Variants in NEO1 observed in about 807,000 individuals in gnomAD.
The protein encoded by NEO1 is neogenin.
In NEO1, 63 loss-of-function variants were observed where a neutral mutation model predicts 159.7. The observed-to-expected ratio is 0.39, with a 90% CI of 0.32 to 0.49. The LOEUF (loss-of-function observed/expected upper bound fraction) is 0.49. Ranked by LOEUF, NEO1 falls within the 20% of genes least tolerant of loss-of-function variation. The pLI is 0.85. For synonymous variants in NEO1, 633 were observed against 662.0 expected (o/e 0.96, Z 0.67); for missense variants, 1,615 against 1,831.0 (o/e 0.88, Z 2.15).
chr15:73,289,068 C>A, intron 24 of NEO1, 78 bp from the exon 25 acceptor site: 1 of 1,077,908 alleles, frequency 9.3e-7, no homozygotes, highest in Non-Finnish European at 1.4e-6. Flanking sequence ...GAATCCCCTA[C>A]TAGAAATGTT....
At chr15:73,075,208 A>T (rs2068712272) in intron 1 of NEO1, among the ~76,000 whole-genome samples, 1 of 152,196 alleles carries the variant, frequency 6.6e-6, no homozygotes, top group Admixed American at 6.5e-5. Context: ...GTTAAATAGA[A>T]CGTCCAGCAG....
chr15:73,251,513 C>CA (rs35979398), intron 11 of NEO1, among the ~76,000 whole-genome samples: 6,352 of 94,228 alleles, frequency 0.067, 225 homozygotes, highest in Non-Finnish European at 0.079. Context: ...GAAGCTGTCT[C>CA]AAAAAAAAAA....
At position 73,298,375 on chromosome 15, in the gene NEO1, A is replaced by G; in HGVS notation, c.3929A>G (p.Asp1310Gly). The change falls in exon 27 of 29, where the codon GAC (aspartate) becomes GGC (glycine). Residue 1310 changes from aspartate to glycine, a missense_variant. Physicochemically the swap from Asp to Gly is moderately conservative, Grantham distance 94 (BLOSUM62 -1). This residue lies in a region of NEO1 where 471 missense variants were observed against 498.9 expected (regional missense o/e 0.94). Transcript: ENST00000261908. ...TCCGTTCGAAATACCCCCAGCACTG[A>G]CACCATGCCAGCCTCTTCGTCTCAA... ...TESVRNTPST[D>G]TMPASSSQTC... 6.2e-7 allele frequency: 1 copy of G among 1,614,214 alleles called. No homozygotes were observed. Among genetic ancestry groups the G allele is most frequent in the Non-Finnish European group, 8.5e-7 (1 of 1,180,032 alleles).
chr15:73,207,863 GA>G (rs2037324503), intron 7 of NEO1, among the ~76,000 whole-genome samples: 1 of 152,068 alleles, frequency 6.6e-6, no homozygotes, highest in Non-Finnish European at 1.5e-5. Flanking sequence ...AAAGGATCTT[GA>G]GCATATTTGT....
intron 13 of NEO1, among the ~76,000 whole-genome samples, chr15:73,257,672 T>C (rs1435152788): frequency 1.3e-5 from 2 of 152,214 alleles, no homozygotes; most frequent in Non-Finnish European, 2.9e-5. Flanking sequence ...ACCTTAGTTG[T>C]AGTCTATAAA....
chr15:73,253,287 C>T lies in NEO1; in HGVS notation c.1895-113C>T, dbSNP rs557828450. 1.9e-4 allele frequency: 102 copies of T among 542,358 alleles called. No homozygotes were observed. In the South Asian group the frequency reaches 2.7e-3, roughly 15 times the overall value. 33.6% of individuals were successfully genotyped at this position (542,358 alleles called of 1,614,324 possible). On this transcript the variant is annotated intron_variant, in intron 11 of 28. Coordinates refer to ENST00000261908, the MANE Select transcript of NEO1 (RefSeq NM_002499.4). ...TTGGCAGCTAGTTTAGATCTGGTCA[C>T]GTAATCAGTGTTTGAGATGTGCATT...
rs779342001 is a variant in NEO1 at position 73,298,599 on chromosome 15, C to T, written c.4153C>T (p.Leu1385=). The part of the protein sequence containing the change: ...YDPALPSTPL[L]SQQALNHHIH... ...TCCTGCATTGCCAAGCACACCATTACTGTCCCAGCAAGGTGAGTGAGGATG... is the reference window on the plus strand; with the variant it reads ...TCCTGCATTGCCAAGCACACCATTATTGTCCCAGCAAGGTGAGTGAGGATG... The change falls in exon 27 of 29, where the codon CTG becomes TTG. Residue 1385 remains leucine (L), a synonymous_variant. Coordinates refer to ENST00000261908, the MANE Select transcript of NEO1 (RefSeq NM_002499.4). 13 of 1,614,074 alleles carry T rather than the reference C, an allele frequency of 8.1e-6. No homozygotes were observed. In the Admixed American group the frequency reaches 2.0e-4, roughly 25 times the overall value.
chr15:73,098,104 C>T (rs1010765877), intron 1 of NEO1, among the ~76,000 whole-genome samples: 2 of 151,658 alleles, frequency 1.3e-5, no homozygotes, highest in Non-Finnish European at 2.9e-5. Context: ...CACACACACC[C>T]TCAGAATAAC....
intron 2 of NEO1, among the ~76,000 whole-genome samples, chr15:73,119,061 A>G (rs766046273): frequency 2.6e-5 from 4 of 152,230 alleles, no homozygotes; most frequent in Admixed American, 6.5e-5. Flanking sequence ...AATGTTAACC[A>G]TAGTGTTACC....
intron 23 of NEO1, among the ~76,000 whole-genome samples, chr15:73,285,181 A>G (rs1180760667): frequency 1.3e-5 from 2 of 152,086 alleles, no homozygotes; most frequent in South Asian, 4.1e-4. Flanking sequence ...GTGCAGTGGA[A>G]CAATCTCATC....
intron 1 of NEO1, among the ~76,000 whole-genome samples, chr15:73,098,804 A>G (rs1329119433): frequency 6.6e-6 from 1 of 152,188 alleles, no homozygotes; most frequent in African/African-American, 2.4e-5. Context: ...GGGTAAATGC[A>G]TATATAATTG....
At chr15:73,262,272 C>A (rs748927133) in intron 15 of NEO1, among the ~76,000 whole-genome samples, 8 of 152,082 alleles carry the variant, frequency 5.3e-5, no homozygotes, top group Non-Finnish European at 1.0e-4. Flanking sequence ...TGGATTTCAT[C>A]AAAATTTTAA....
chr15:73,252,846 C>T (rs151062990), intron 11 of NEO1, among the ~76,000 whole-genome samples: 24 of 152,084 alleles, frequency 1.6e-4, no homozygotes, highest in African/African-American at 5.5e-4. Context: ...AAAAATTAGC[C>T]GGGCGTGGTA....
Position 73,223,919 on chromosome 15 carries a change from G to A in NEO1, c.1292-12428G>A, listed in dbSNP as rs543177593. On this transcript the variant is annotated intron_variant, in intron 7 of 28. Coordinates refer to ENST00000261908, the MANE Select transcript of NEO1 (RefSeq NM_002499.4). ...CTTGTGTGATTTATGCTTTAAAGAC[G>A]TTCTGCTTTGATGTGTTTCCAGGAT... Among the ~76,000 whole-genome samples, 130 of 152,252 alleles carry A rather than the reference G, an allele frequency of 8.5e-4. 3 individuals are homozygous for A. The highest frequency in any genetic ancestry group is 4.6e-4 in the Admixed American group (7 of 15,296).
At chr15:73,115,765 T>C (rs2071273912) in intron 1 of NEO1, among the ~76,000 whole-genome samples, 1 of 152,198 alleles carries the variant, frequency 6.6e-6, no homozygotes, top group African/African-American at 2.4e-5. Context: ...CAAATATTTT[T>C]CTTTAAATTT....
At chr15:73,116,957 A>C (rs568940136) in intron 2 of NEO1, 100 bp downstream of exon 2, 233 of 910,938 alleles carry the variant, frequency 2.6e-4, no homozygotes, top group Middle Eastern at 6.5e-4. Flanking sequence ...AATTAGTAGC[A>C]ACAAATATAC....
chr15:73,109,783 G>A (rs2070876156), intron 1 of NEO1, among the ~76,000 whole-genome samples: 1 of 152,062 alleles, frequency 6.6e-6, no homozygotes, highest in African/African-American at 2.4e-5. Flanking sequence ...AAGCATATAT[G>A]TTTATCAGAC....
intron 7 of NEO1, among the ~76,000 whole-genome samples, chr15:73,198,607 G>T (rs1372235854): frequency 1.3e-5 from 2 of 151,572 alleles, no homozygotes; most frequent in African/African-American, 4.8e-5. Flanking sequence ...TTAAAGACTT[G>T]TATCTGTTTA....
chr15:73,066,676 G>C (rs1259293903), intron 1 of NEO1, among the ~76,000 whole-genome samples: 1 of 152,118 alleles, frequency 6.6e-6, no homozygotes, highest in Non-Finnish European at 1.5e-5. Flanking sequence ...AAATAGTTTA[G>C]GTATACCTTT....
Sources: gnomAD v4.1 joint callset for allele counts (sites outside exome capture counted in the v4.1 genomes callset) on GRCh38, gnomAD v4.1.1 for gene constraint, gnomAD v4.1.1 regional missense constraint, MANE v1.5 for transcripts, NCBI Gene and HGNC (gene_info 2026-07-23, HGNC 2026-07-21) for gene names.